SAMD3: variants seen among roughly 807,000 people sequenced by gnomAD.
SAMD3 encodes the protein sterile alpha motif domain containing 3, also known as sterile alpha motif domain-containing protein 3.
SAMD3 carries 63 observed loss-of-function variants against 58.5 expected under a neutral mutation model. The observed-to-expected ratio is 1.08, with a 90% confidence interval of 0.88 to 1.33. The LOEUF is 1.33. SAMD3 is among the 40% of genes most tolerant of loss of function. The pLI, the probability that SAMD3 is intolerant of heterozygous loss-of-function variation, is 0.00. For missense variants in SAMD3, 604 were observed against 608.4 expected (o/e 0.99, Z 0.08); for synonymous variants, 220 against 210.3 (o/e 1.05, Z -0.40).
intron 1 of SAMD3, among the ~76,000 whole-genome samples, chr6:130,356,258 G>A (rs943875301): frequency 6.6e-6 from 1 of 151,920 alleles, no homozygotes; most frequent in African/African-American, 2.4e-5. Flanking sequence ...CAGCTGGAAG[G>A]GCCGTCTGGT....
At chr6:130,170,629 TG>T (rs1341607471) in intron 8 of SAMD3, among the ~76,000 whole-genome samples, 2 of 152,324 alleles carry the variant, frequency 1.3e-5, no homozygotes, top group African/African-American at 4.8e-5. Flanking sequence ...TCTTGAGCAG[TG>T]GTTTGTAGTT....
chr6:130,204,303 G>T (rs1011082996), intron 5 of SAMD3, among the ~76,000 whole-genome samples: 1 of 152,052 alleles, frequency 6.6e-6, no homozygotes, highest in Admixed American at 6.6e-5. Flanking sequence ...TGCAAAAAAA[G>T]CTCTTCCCAA....
chr6:130,350,546 C>A (rs1468272456), intron 1 of SAMD3, among the ~76,000 whole-genome samples: 2 of 152,176 alleles, frequency 1.3e-5, no homozygotes, highest in Non-Finnish European at 2.9e-5. Context: ...AGGAGAACTA[C>A]AAACCACTGC....
intron 1 of SAMD3, among the ~76,000 whole-genome samples, chr6:130,339,775 C>G (rs1211017008): frequency 6.6e-6 from 1 of 152,142 alleles, no homozygotes; most frequent in Non-Finnish European, 1.5e-5. Context: ...GCAAGAATTA[C>G]TTCACACTCT....
At chr6:130,294,673 T>C (rs1212295754) in intron 2 of SAMD3, among the ~76,000 whole-genome samples, 1 of 151,814 alleles carries the variant, frequency 6.6e-6, no homozygotes, top group Non-Finnish European at 1.5e-5. Flanking sequence ...CTCAAAATTA[T>C]ATAACTCCCT....
At chr6:130,162,153 A>G (rs1035526582) in intron 8 of SAMD3, 3 of 656,620 alleles carry the variant, frequency 4.6e-6, no homozygotes, top group Non-Finnish European at 8.2e-6. Flanking sequence ...TTCCTTTACC[A>G]CACCAGTTTT....
At chr6:130,263,600 A>G (rs114622501) in intron 2 of SAMD3, among the ~76,000 whole-genome samples, 217 of 152,340 alleles carry the variant, frequency 1.4e-3, no homozygotes, top group African/African-American at 5.1e-3. Flanking sequence ...AACTCGTTTC[A>G]TCTACGCTAT....
chr6:130,365,527 A>G, upstream of SAMD3: 1 of 985,210 alleles, frequency 1.0e-6, no homozygotes, highest in Non-Finnish European at 1.2e-6. Flanking sequence ...AGGGGCGTGG[A>G]GCCAGGGTCC....
rs758370129 is a variant in SAMD3 at position 130,214,545 on chromosome 6, A to C, written c.80-19T>G. The C allele has an allele frequency of 1.9e-6, 3 of 1,561,660 alleles. No individual in the cohort carries two copies. Among genetic ancestry groups the C allele is most frequent in the African/African-American group, 2.8e-5 (2 of 72,442 alleles). Reference sequence around the variant, plus strand: ...TCTTCCTCTGGGAAAAAGAAAAAAAATTAGTTTCTACATGACTTTCCGGCA... The same window carrying C: ...TCTTCCTCTGGGAAAAAGAAAAAAACTTAGTTTCTACATGACTTTCCGGCA... On this transcript the variant is annotated intron_variant, in intron 3 of 11. Transcript: ENST00000439090.
chr6:130,273,876 T>A (rs902010972), intron 2 of SAMD3, among the ~76,000 whole-genome samples: 4 of 152,162 alleles, frequency 2.6e-5, no homozygotes, highest in Non-Finnish European at 4.4e-5. Context: ...TTTTGTAAAG[T>A]TATTCTTAAT....
intron 2 of SAMD3, among the ~76,000 whole-genome samples, chr6:130,311,794 G>T (rs1776177503): frequency 1.3e-5 from 2 of 152,158 alleles, no homozygotes; most frequent in Non-Finnish European, 2.9e-5. Context: ...TCCTGTCCTA[G>T]AGGACCTTCC....
chr6:130,350,233 A>C (rs1251094821), intron 1 of SAMD3, among the ~76,000 whole-genome samples: 1 of 152,312 alleles, frequency 6.6e-6, no homozygotes, highest in South Asian at 2.1e-4. Context: ...GCATTCAGGC[A>C]GGAGAAAGAA....
chr6:130,342,817 T>A (rs1436138249), intron 1 of SAMD3, among the ~76,000 whole-genome samples: 1 of 152,178 alleles, frequency 6.6e-6, no homozygotes, highest in Non-Finnish European at 1.5e-5. Flanking sequence ...ATTATTCAAA[T>A]CTGATAAAAT....
In SAMD3 at chr6:130,273,931, C is replaced by T. The variant is rs141359315; in HGVS notation, c.-188+39047G>A. On this transcript the variant is annotated intron_variant, in intron 2 of 13. Coordinates refer to the SAMD3 transcript ENST00000368134. ...GTGTACTAAAATTAAAATCAATTTA[C>T]ACACCATCATTACAGTATTATTCTG... Among the ~76,000 whole-genome samples, 1,030 of 144,466 alleles carry T rather than the reference C, an allele frequency of 7.1e-3. 12 individuals carry two copies. Among genetic ancestry groups the T allele is most frequent in the African/African-American group, 0.025 (909 of 36,196 alleles). The allele number at this position is 144,466 out of a possible 152,430, so 94.8% of individuals were successfully genotyped here.
intron 2 of SAMD3, among the ~76,000 whole-genome samples, chr6:130,291,150 G>C (rs1222337548): frequency 6.6e-6 from 1 of 152,156 alleles, no homozygotes; most frequent in Non-Finnish European, 1.5e-5. Context: ...GAGTGCAGTG[G>C]TGCAATCTTG....
chr6:130,218,858 C>A (rs999876568), intron 1 of SAMD3, among the ~76,000 whole-genome samples: 2 of 152,074 alleles, frequency 1.3e-5, no homozygotes, highest in Non-Finnish European at 2.9e-5. Context: ...GAGGACCGTG[C>A]TGCTTGGAAT....
intron 2 of SAMD3, among the ~76,000 whole-genome samples, chr6:130,268,387 A>C (rs1055063180): frequency 6.6e-6 from 1 of 152,180 alleles, no homozygotes; most frequent in African/African-American, 2.4e-5. Flanking sequence ...TAAGGTTAAT[A>C]TATTGTTGAA....
chr6:130,359,683 T>A (rs1464411456), intron 1 of SAMD3, among the ~76,000 whole-genome samples: 1 of 152,226 alleles, frequency 6.6e-6, no homozygotes, highest in African/African-American at 2.4e-5. Flanking sequence ...GGGCTCTCAC[T>A]CGCTCATTTC....
chr6:130,208,397 G>C (rs1440136816), intron 5 of SAMD3, among the ~76,000 whole-genome samples: 2 of 152,196 alleles, frequency 1.3e-5, no homozygotes, highest in Admixed American at 6.5e-5. Context: ...GACACAGACT[G>C]GTTCATGGCC....
Sources: gnomAD v4.1 joint callset for allele counts (sites outside exome capture counted in the v4.1 genomes callset) on GRCh38, gnomAD v4.1.1 for gene constraint, MANE v1.5 for transcripts, NCBI Gene and HGNC (gene_info 2026-07-23, HGNC 2026-07-21) for gene names.